The following IFFO2 variants were observed in gnomAD, a reference collection of about 807,000 sequenced individuals.
The protein encoded by IFFO2 is intermediate filament family orphan 2.
IFFO2 carries 19 observed loss-of-function variants against 53.5 expected under a neutral mutation model. The observed-to-expected ratio is 0.36, with a 90% CI of 0.25 to 0.52. The LOEUF is 0.52. Ranked by LOEUF, IFFO2 falls within the 20% of genes least tolerant of loss-of-function variation. The pLI, the probability that IFFO2 is intolerant of heterozygous loss-of-function variation, is 0.94. For missense variants in IFFO2, 570 were observed against 727.4 expected (o/e 0.78, Z 2.49); for synonymous variants, 303 against 313.6 (o/e 0.97, Z 0.36).
At chr1:18,927,264 C>A (rs1248937625) in intron 1 of IFFO2, among the ~76,000 whole-genome samples, 2 of 152,206 alleles carry the variant, frequency 1.3e-5, no homozygotes, top group Non-Finnish European at 1.5e-5. Context: ...TGGCCCACAC[C>A]TTGCGGGAAG....
intron 1 of IFFO2, among the ~76,000 whole-genome samples, chr1:18,930,854 C>T (rs950222673): frequency 2.0e-5 from 3 of 152,216 alleles, no homozygotes; most frequent in African/African-American, 7.2e-5. Flanking sequence ...GCATCACTGC[C>T]ACTTGGTATT....
chr1:18,909,111 C>G (rs188844013), intron 8 of IFFO2, among the ~76,000 whole-genome samples: 1 of 151,848 alleles, frequency 6.6e-6, no homozygotes, highest in African/African-American at 2.4e-5. Context: ...CCTGCCTGAG[C>G]GTCTGCTCTT....
At chr1:18,941,868 T>C (rs917555544) in intron 1 of IFFO2, among the ~76,000 whole-genome samples, 3 of 152,176 alleles carry the variant, frequency 2.0e-5, no homozygotes, top group Non-Finnish European at 4.4e-5. Context: ...CCCCCATTCA[T>C]GTCCACATTC....
chr1:18,906,945 T>C lies in IFFO2; in HGVS notation c.*1616A>G, dbSNP rs979495723. 6 of 152,148 alleles carry C rather than the reference T, an allele frequency of 3.9e-5. No homozygotes were observed. Among genetic ancestry groups the C allele is most frequent in the African/African-American group, 1.4e-4 (6 of 41,422 alleles). The allele number at this position is 152,148 out of a possible 1,614,324, so 9.4% of individuals were successfully genotyped here. A position where few individuals can be genotyped will look rare whatever the true frequency, so the allele number is the denominator to read the frequency against. On this transcript the variant is annotated 3_prime_UTR_variant, in exon 9 of 9. Coordinates refer to ENST00000455833, the MANE Select transcript of IFFO2 (RefSeq NM_001136265.2). ...TACATATATCTTTTATGTACAGTAT[T>C]TTTAAGACTGTAACACAGGTGGGGG... is the stretch of plus-strand genomic sequence containing the variant.
chr1:18,952,890 G>A (rs529456938), intron 1 of IFFO2, among the ~76,000 whole-genome samples: 4 of 152,318 alleles, frequency 2.6e-5, no homozygotes, highest in South Asian at 4.1e-4. Context: ...TTTTATGTAC[G>A]TAATAGCACA....
chr1:18,950,599 G>A (rs2148192294), intron 1 of IFFO2, among the ~76,000 whole-genome samples: 1 of 152,340 alleles, frequency 6.6e-6, no homozygotes, highest in East Asian at 1.9e-4. Context: ...TGCCTCACTG[G>A]AAAATCAGAA....
chr1:18,914,236 G>A lies in IFFO2; in HGVS notation c.1104-2153C>T, dbSNP rs113219211. 2.9e-4 allele frequency among the ~76,000 whole-genome samples: 44 copies of A among 152,308 alleles called. 1 individual carries two copies. Among genetic ancestry groups the A allele is most frequent in the African/African-American group, 9.4e-4 (39 of 41,564 alleles). ...GGCGCCCACTCCTGCAGCCAGTCTCGCCTGACTTGGATCTGAATGCTCTTT... is the reference window on the plus strand; with the variant it reads ...GGCGCCCACTCCTGCAGCCAGTCTCACCTGACTTGGATCTGAATGCTCTTT... On this transcript the variant is annotated intron_variant, in intron 5 of 8. Coordinates refer to ENST00000455833, the MANE Select transcript of IFFO2 (RefSeq NM_001136265.2).
intron 1 of IFFO2, among the ~76,000 whole-genome samples, chr1:18,926,961 T>G (rs929398223): frequency 6.6e-6 from 1 of 151,506 alleles, no homozygotes; most frequent in Admixed American, 6.6e-5. Flanking sequence ...GCTCCTGGAG[T>G]GAGCATCCCA....
In IFFO2 at chr1:18,906,452, A is replaced by C. The variant is rs532877599; in HGVS notation, c.*2109T>G. 1 of 152,302 alleles carries C rather than the reference A, an allele frequency of 6.6e-6. No individual in the cohort carries two copies. Among genetic ancestry groups the C allele is most frequent in the Admixed American group, 6.5e-5 (1 of 15,296 alleles). 9.4% of individuals were successfully genotyped at this position (152,302 alleles called of 1,614,324 possible). A position where few individuals can be genotyped will look rare whatever the true frequency, so the allele number is the denominator to read the frequency against. ...AGGGCCGGCTTCCACGCTGCCCACG[A>C]AACTCCCATACCACATTGTCCAATG... On this transcript the variant is annotated 3_prime_UTR_variant, in exon 9 of 9. Transcript: ENST00000455833.
At chr1:18,950,833 G>C in intron 1 of IFFO2, among the ~76,000 whole-genome samples, 1 of 152,180 alleles carries the variant, frequency 6.6e-6, no homozygotes, top group East Asian at 1.9e-4. Context: ...CTCCATTCCA[G>C]CCGACAGCCC....
chr1:18,912,165 C>A, intron 5 of IFFO2, 82 bp from the exon 6 acceptor site: 2 of 1,514,016 alleles, frequency 1.3e-6, no homozygotes, highest in Non-Finnish European at 1.8e-6. Flanking sequence ...GGGGCAGCTG[C>A]CCAGCAGGTA....
chr1:18,921,080 A>G lies in IFFO2; in HGVS notation c.707T>C (p.Met236Thr). The G allele has an allele frequency of 6.4e-7, 1 of 1,551,966 alleles. No individual in the cohort carries two copies. Among genetic ancestry groups the G allele is most frequent in the Non-Finnish European group, 8.7e-7 (1 of 1,147,042 alleles). ...ELAKRMNLQT[M>T]VDTLQEAAQE... ...TCTTACCTCCTGCAGCGTGTCCACCATGGTCTGAAGGTTCATGCGCTTGGC... is the reference window on the plus strand; with the variant it reads ...TCTTACCTCCTGCAGCGTGTCCACCGTGGTCTGAAGGTTCATGCGCTTGGC... The change falls in exon 2 of 9, where the codon ATG becomes ACG. Residue 236 changes from methionine to threonine, a missense_variant. By Grantham distance (81) the Met-to-Thr change is moderately conservative. Transcript: ENST00000455833.
At chr1:18,909,152 G>A (rs902488571) in intron 8 of IFFO2, among the ~76,000 whole-genome samples, 4 of 152,038 alleles carry the variant, frequency 2.6e-5, no homozygotes, top group African/African-American at 7.3e-5. Flanking sequence ...ACCACACTGG[G>A]TTCTGGGGGT....
chr1:18,947,103 C>G lies in IFFO2; in HGVS notation c.665+8565G>C, dbSNP rs922479631. Among the ~76,000 whole-genome samples, 10 of 152,110 alleles carry G rather than the reference C, an allele frequency of 6.6e-5. No homozygotes were observed. Among genetic ancestry groups the G allele is most frequent in the African/African-American group, 1.9e-4 (8 of 41,406 alleles). On this transcript the variant is annotated intron_variant, in intron 1 of 8. Coordinates refer to ENST00000455833, the MANE Select transcript of IFFO2 (RefSeq NM_001136265.2). The surrounding 1 kb of genome is among the most constrained non-coding windows in gnomAD (Gnocchi z 5.0). ...CTCAGCCACTGTTCTGAAACCACCA[C>G]CACTTTGGCTTCTCAGACATCCACA...
intron 1 of IFFO2, among the ~76,000 whole-genome samples, chr1:18,930,611 G>T (rs1431519468): frequency 2.6e-5 from 4 of 152,172 alleles, no homozygotes; most frequent in Non-Finnish European, 4.4e-5. Flanking sequence ...TCCTAACAAG[G>T]GCCACTGTGG....
rs1182042550 is a variant in IFFO2 at position 18,926,116 on chromosome 1, T to TGGTTGG, written c.666-4996_666-4995insCCAACC. ...TGGATGGATGGATTGGTTGGATGGA[T>TGGTTGG]AGATGGATGGATGGATGGATGGATG... On this transcript the variant is annotated intron_variant, in intron 1 of 8. Transcript: ENST00000455833. 1.7e-4 allele frequency among the ~76,000 whole-genome samples: 16 copies of TGGTTGG among 94,548 alleles called. 2 individuals carry two copies. The highest frequency in any genetic ancestry group is 3.0e-4 in the African/African-American group (8 of 26,952). The allele number at this position is 94,548 out of a possible 152,430, so 62.0% of individuals were successfully genotyped here. A position where few individuals can be genotyped will look rare whatever the true frequency, so the allele number is the denominator to read the frequency against.
At chr1:18,941,010 T>C (rs571763847) in intron 1 of IFFO2, among the ~76,000 whole-genome samples, 4 of 152,318 alleles carry the variant, frequency 2.6e-5, no homozygotes, top group African/African-American at 9.6e-5. Context: ...AGTGGTGATC[T>C]TGGAAGCCAA....
chr1:18,932,355 T>C (rs1373436871), intron 1 of IFFO2, among the ~76,000 whole-genome samples: 1 of 152,220 alleles, frequency 6.6e-6, no homozygotes, highest in Non-Finnish European at 1.5e-5. Flanking sequence ...CTGGCTCCAC[T>C]GCGCTATGGA....
At chr1:18,931,673 A>T (rs1936376982) in intron 1 of IFFO2, among the ~76,000 whole-genome samples, 1 of 152,204 alleles carries the variant, frequency 6.6e-6, no homozygotes, top group Non-Finnish European at 1.5e-5. Flanking sequence ...CACCATCTCT[A>T]ATTCTCACCA....
Sources: gnomAD v4.1 joint callset for allele counts (sites outside exome capture counted in the v4.1 genomes callset) on GRCh38, gnomAD v4.1.1 for gene constraint, Gnocchi (gnomAD v3.1) non-coding constraint, MANE v1.5 for transcripts, NCBI Gene and HGNC (gene_info 2026-07-23, HGNC 2026-07-21) for gene names.